Variants in PCSK2 observed in about 807,000 individuals in gnomAD.
PCSK2 encodes neuroendocrine convertase 2.
PCSK2 carries 14 observed loss-of-function variants against 69.7 expected under a neutral mutation model. The ratio of observed to expected loss-of-function variants is 0.20; its 90% CI spans 0.13 to 0.31. PCSK2 has a LOEUF of 0.31. Ranked by LOEUF, PCSK2 falls within the 10% of genes least tolerant of loss-of-function variation. The pLI is 1.00. For synonymous variants in PCSK2, 307 were observed against 320.7 expected (o/e 0.96, Z 0.46); for missense variants, 544 against 842.5 (o/e 0.65, Z 4.39).
chr20:17,403,424 G>A (rs563867897), intron 5 of PCSK2, among the ~76,000 whole-genome samples: 1 of 152,318 alleles, frequency 6.6e-6, no homozygotes, highest in East Asian at 1.9e-4. Context: ...GGAACATTAA[G>A]CCGTGGCCAT....
At chr20:17,347,991 GAAA>G (rs1990728863) in intron 2 of PCSK2, among the ~76,000 whole-genome samples, 1 of 112,904 alleles carries the variant, frequency 8.9e-6, no homozygotes, top group Non-Finnish European at 1.8e-5. Flanking sequence ...AGAGGAGAGA[GAAA>G]AAAGAGAAAG....
intron 8 of PCSK2, among the ~76,000 whole-genome samples, chr20:17,446,682 T>C (rs1487341635): frequency 6.6e-6 from 1 of 152,228 alleles, no homozygotes; most frequent in Non-Finnish European, 1.5e-5. Context: ...TTGCCAAAGA[T>C]GTTCATGAAT....
chr20:17,319,479 T>A (rs1280909979), intron 2 of PCSK2, among the ~76,000 whole-genome samples: 1 of 152,162 alleles, frequency 6.6e-6, no homozygotes, highest in Admixed American at 6.5e-5. Flanking sequence ...GCCCTGTATA[T>A]CTCCAACAGA....
chr20:17,344,722 A>G (rs1377057071), intron 2 of PCSK2, among the ~76,000 whole-genome samples: 3 of 152,206 alleles, frequency 2.0e-5, no homozygotes, highest in African/African-American at 4.8e-5. Context: ...GTATCCCTCC[A>G]TGCCAAACAC....
intron 1 of PCSK2, among the ~76,000 whole-genome samples, chr20:17,237,107 G>A (rs927871919): frequency 6.6e-6 from 1 of 152,038 alleles, no homozygotes; most frequent in Non-Finnish European, 1.5e-5. Context: ...TGAGAGAAAT[G>A]GAATCTTCCA....
At chr20:17,233,094 C>T (rs910677081) in intron 1 of PCSK2, among the ~76,000 whole-genome samples, 18 of 152,232 alleles carry the variant, frequency 1.2e-4, no homozygotes, top group African/African-American at 3.1e-4. Context: ...GCCATCAGAA[C>T]GCTCACTGTC....
intron 2 of PCSK2, among the ~76,000 whole-genome samples, chr20:17,351,446 C>T (rs554379385): frequency 6.6e-6 from 1 of 152,202 alleles, no homozygotes; most frequent in Non-Finnish European, 1.5e-5. Context: ...TGTAAAAATT[C>T]TCAACAAAAT....
intron 5 of PCSK2, among the ~76,000 whole-genome samples, chr20:17,398,454 T>C (rs1238038851): frequency 1.4e-5 from 2 of 146,878 alleles, no homozygotes; most frequent in Admixed American, 7.0e-5. Context: ...AGCCCAGGAG[T>C]TGGAGGCTGC....
chr20:17,477,427 A>AT (rs2033311885), intron 11 of PCSK2, among the ~76,000 whole-genome samples: 1 of 152,008 alleles, frequency 6.6e-6, no homozygotes, highest in East Asian at 1.9e-4. Context: ...AGGTATGAAT[A>AT]TTTTTTTCTT....
At chr20:17,355,262 T>G (rs1291144969) in intron 2 of PCSK2, among the ~76,000 whole-genome samples, 1 of 152,194 alleles carries the variant, frequency 6.6e-6, no homozygotes, top group Non-Finnish European at 1.5e-5. Context: ...TGTGAGTATT[T>G]TTGTTCTTAC....
At chr20:17,479,155 G>A (rs1251453612) in intron 11 of PCSK2, 1 of 1,381,668 alleles carries the variant, frequency 7.2e-7, no homozygotes, top group Non-Finnish European at 1.0e-6. Flanking sequence ...TACGGTACAG[G>A]TTCCATCAGA....
intron 5 of PCSK2, among the ~76,000 whole-genome samples, chr20:17,397,834 C>A (rs1268747106): frequency 6.6e-6 from 1 of 152,078 alleles, no homozygotes; most frequent in Non-Finnish European, 1.5e-5. Flanking sequence ...CTTTTGTTTT[C>A]TTTGGCTCAT....
Position 17,465,470 on chromosome 20 carries a change from A to G in PCSK2, c.1347A>G (p.Ala449=), listed in dbSNP as rs1443952198. ...TCTTTGGCTACGGGGTCCTTGATGC[A>G]GGTGCCATGGTGAAAATGGCTAAAG... ...NHLFGYGVLD[A]GAMVKMAKDW... is the part of the protein sequence containing the mutation. The change falls in exon 11 of 12, where the codon GCA becomes GCG. Residue 449 remains alanine (A), a synonymous_variant. Coordinates refer to ENST00000262545, the MANE Select transcript of PCSK2 (RefSeq NM_002594.5). 4.3e-6 allele frequency: 7 copies of G among 1,613,948 alleles called. 1 individual carries two copies. In the South Asian group the frequency reaches 7.7e-5, roughly 18 times the overall value.
intron 5 of PCSK2, among the ~76,000 whole-genome samples, chr20:17,373,455 G>A (rs6080664): frequency 0.098 from 14,853 of 152,270 alleles, 943 homozygotes; most frequent in Non-Finnish European, 0.14. Context: ...GGGCAGAGGT[G>A]TGGGTACAGA....
At chr20:17,388,718 C>T (rs1326089013) in intron 5 of PCSK2, among the ~76,000 whole-genome samples, 1 of 152,040 alleles carries the variant, frequency 6.6e-6, no homozygotes, top group Non-Finnish European at 1.5e-5. Flanking sequence ...CCAGCAGGAA[C>T]CCGGACTGAC....
intron 2 of PCSK2, among the ~76,000 whole-genome samples, chr20:17,269,100 C>A (rs1227575257): frequency 6.6e-6 from 1 of 152,116 alleles, no homozygotes; most frequent in African/African-American, 2.4e-5. Context: ...TAGTTTTAAG[C>A]ACGTTAACAT....
intron 4 of PCSK2, among the ~76,000 whole-genome samples, chr20:17,366,655 ATT>A (rs2030600285): frequency 6.6e-6 from 1 of 152,176 alleles, no homozygotes; most frequent in South Asian, 2.1e-4. Context: ...CCAAATTACT[ATT>A]TTCCATTCTT....
intron 1 of PCSK2, among the ~76,000 whole-genome samples, chr20:17,248,167 TA>T (rs1390137401): frequency 2.3e-5 from 3 of 128,390 alleles, no homozygotes; most frequent in African/African-American, 9.1e-5. Flanking sequence ...AGTGATGATA[TA>T]AAAAAGGGTG....
At chr20:17,260,110 G>C (rs1987320207) in intron 1 of PCSK2, 130 bp from the exon 2 acceptor site, 1 of 677,000 alleles carries the variant, frequency 1.5e-6, no homozygotes, top group South Asian at 1.7e-5. Context: ...CTGACAGGAG[G>C]TTTGCCAGTG....
Sources: allele counts gnomAD v4.1 joint callset (sites outside exome capture counted in the v4.1 genomes callset), GRCh38; gene constraint gnomAD v4.1.1; transcripts MANE v1.5; gene names NCBI Gene and HGNC (gene_info 2026-07-23, HGNC 2026-07-21).